Variants in PRAM1 observed in about 807,000 individuals in gnomAD.
PRAM1 encodes the protein PML-RARA regulated adaptor molecule 1, also known as PML-RARA-regulated adapter molecule 1.
A neutral mutation model predicts 55.3 loss-of-function variants in PRAM1; 41 were observed. That is an observed-to-expected ratio of 0.74 (90% CI 0.58 to 0.96). The LOEUF is 0.96. Ranked by LOEUF, PRAM1 falls within the 40% of genes least tolerant of loss-of-function variation. The pLI is 0.00. For missense variants in PRAM1, 898 were observed against 892.7 expected, an observed-to-expected ratio of 1.01 and a Z score of -0.08; for synonymous variants, 401 against 387.1, an observed-to-expected ratio of 1.04 and a Z score of -0.42.
In PRAM1 at chr19:8,490,428, G is replaced by T; in HGVS notation, c.1940+48C>A. ...CACCGTGGCCCATTCCCCCCACCCT[G>T]CACCACACACCCCGCACTCCCCCAC... is the stretch of plus-strand genomic sequence containing the variant. On this transcript the variant is annotated intron_variant, in intron 8 of 9. Coordinates refer to ENST00000423345, the MANE Select transcript of PRAM1 (RefSeq NM_032152.5). The surrounding 1 kb of genome is among the most constrained non-coding windows in gnomAD (Gnocchi z 7.3). The T allele has an allele frequency of 6.2e-7, 1 of 1,613,588 alleles. No homozygotes were observed. Among genetic ancestry groups the T allele is most frequent in the Non-Finnish European group, 8.5e-7 (1 of 1,179,768 alleles).
chr19:8,502,610 G>C lies in PRAM1; in HGVS notation c.-19C>G. On this transcript the variant is annotated 5_prime_UTR_variant, in exon 1 of 10. Coordinates refer to ENST00000423345, the MANE Select transcript of PRAM1 (RefSeq NM_032152.5). ...GGGCCATGGGATGAGTGGGACCCGA[G>C]CTGGGGCCGCTGCCTTCAGGAAGTG... 6.5e-7 allele frequency: 1 copy of C among 1,549,500 alleles called. No individual in the cohort carries two copies. Among genetic ancestry groups the C allele is most frequent in the Non-Finnish European group, 8.7e-7 (1 of 1,148,024 alleles).
At chr19:8,496,761 G>C (rs1276383205) in intron 4 of PRAM1, among the ~76,000 whole-genome samples, 1 of 152,052 alleles carries the variant, frequency 6.6e-6, no homozygotes, top group African/African-American at 2.4e-5. Context: ...ATAAGGGTCA[G>C]GCGTGGTGGC....
intron 4 of PRAM1, among the ~76,000 whole-genome samples, chr19:8,495,700 A>G (rs1029925373): frequency 7.0e-5 from 10 of 143,618 alleles, no homozygotes; most frequent in African/African-American, 2.6e-4. Context: ...TACGGATTTA[A>G]GGACGGATTT....
At position 8,490,708 on chromosome 19, in the gene PRAM1, C is replaced by T. The variant is rs760422876; in HGVS notation, c.1792G>A (p.Ala598Thr). ...TTGCCACCCCCGCGACGTGTCTTAG[C>T]GTTGGGGTCGATCATCATCTTCGTG... ...VHTKMMIDPN[A>T]KTRRGGGKHL... Residue 598 changes from alanine to threonine, a missense_variant, in exon 7 of 10, where the codon GCT becomes ACT. Around this residue, in one of 4 missense-constraint regions of PRAM1, gnomAD observed 787 missense variants for 735.4 expected, o/e 1.07. Transcript: ENST00000423345. This position sits in a 1 kb window ranked among gnomAD's most constrained non-coding sequence, Gnocchi z 7.3. The T allele has an allele frequency of 1.3e-5, 21 of 1,610,722 alleles. No homozygotes were observed. Among genetic ancestry groups the T allele is most frequent in the Middle Eastern group, 1.6e-4 (1 of 6,080 alleles).
chr19:8,499,726 C>G lies in PRAM1; in HGVS notation c.82G>C (p.Glu28Gln), dbSNP rs1421385286. The change falls in exon 2 of 10, where the codon GAG (glutamate) becomes CAG (glutamine). Residue 28 changes from glutamate to glutamine, a missense_variant. This residue lies in a region of PRAM1 where 79 missense variants were observed against 93.4 expected (regional missense o/e 0.85). Coordinates refer to ENST00000423345, the MANE Select transcript of PRAM1 (RefSeq NM_032152.5). ...GGTTTTTTGGGCAGGTCGCTGGGCT[C>G]CGGCTGAGAGGCCTGGAACTTTGCT... is the stretch of plus-strand genomic sequence containing the variant. ...IKAKFQASQP[E>Q]PSDLPKKPPK... The G allele has an allele frequency of 6.2e-7, 1 of 1,613,608 alleles. No homozygotes were observed. The highest frequency in any genetic ancestry group is 2.2e-5 in the East Asian group (1 of 44,874).
rs1339615800 is a variant in PRAM1, at chr19:8,493,452, C to T, written c.1577-2295G>A. Among the ~76,000 whole-genome samples, 1 of 152,220 alleles carries T rather than the reference C, an allele frequency of 6.6e-6. No homozygotes were observed. The highest frequency in any genetic ancestry group is 1.5e-5 in the Non-Finnish European group (1 of 68,038). ...CAGGAGCGAACCTGACCTTGGCACTCCAGGGTCCCTGCAAACCCGCCACAT... is the reference window on the plus strand; with the variant it reads ...CAGGAGCGAACCTGACCTTGGCACTTCAGGGTCCCTGCAAACCCGCCACAT... On this transcript the variant is annotated intron_variant, in intron 4 of 9. Transcript: ENST00000423345. The surrounding 1 kb of genome is among the most constrained non-coding windows in gnomAD (Gnocchi z 4.1).
chr19:8,499,242 G>A lies in PRAM1; in HGVS notation c.566C>T (p.Pro189Leu), dbSNP rs1167806941. The A allele has an allele frequency of 6.2e-7, 1 of 1,612,222 alleles. No individual in the cohort carries two copies. The highest frequency in any genetic ancestry group is 8.5e-7 in the Non-Finnish European group (1 of 1,178,932). Reference protein sequence around the residue: ...PPSEPKSGAFPRKLWQPEAGE... With the variant: ...PPSEPKSGAFLRKLWQPEAGE... ...GGCCTCGGGTTGCCAGAGCTTCCTG[G>A]GGAATGCGCCGGATTTGGGTTCGGA... Residue 189 changes from proline to leucine, a missense_variant, in exon 2 of 10, where the codon CCC (proline) becomes CTC (leucine). By Grantham distance (98) the Pro-to-Leu change is moderately conservative. Transcript: ENST00000423345.
intron 4 of PRAM1, among the ~76,000 whole-genome samples, chr19:8,496,365 G>A (rs774104874): frequency 1.3e-5 from 2 of 152,012 alleles, no homozygotes; most frequent in Non-Finnish European, 2.9e-5. Context: ...AGTGAGCTGA[G>A]ATGGCACCAC....
rs1422900039 is a variant in PRAM1, at chr19:8,502,577, C to T, written c.15G>A (p.Leu5=). The T allele has an allele frequency of 5.9e-5, 92 of 1,550,324 alleles. No homozygotes were observed. The highest frequency in any genetic ancestry group is 7.2e-5 in the Non-Finnish European group (83 of 1,148,362). The change falls in exon 1 of 10, where the codon CTG becomes CTA. Residue 5 remains leucine (L), a synonymous_variant. Coordinates refer to ENST00000423345, the MANE Select transcript of PRAM1 (RefSeq NM_032152.5). MAHH[L]PAAMESHQDF... Reference sequence around the variant, plus strand: ...TTCCAGCACTCACCATGGCTGCAGGCAGGTGATGGGCCATGGGATGAGTGG... The same window carrying T: ...TTCCAGCACTCACCATGGCTGCAGGTAGGTGATGGGCCATGGGATGAGTGG...
At chr19:8,491,414 A>C in intron 4 of PRAM1, 1 of 565,334 alleles carries the variant, frequency 1.8e-6, no homozygotes, top group Admixed American at 3.0e-5. Flanking sequence ...TTGTATTTTT[A>C]ACACAGACAG....
intron 2 of PRAM1, 41 bp downstream of exon 2, chr19:8,498,335 C>T (rs755335190): frequency 3.3e-5 from 52 of 1,594,892 alleles, no homozygotes; most frequent in Non-Finnish European, 4.3e-5. Flanking sequence ...TGCCTGGGAC[C>T]TCAGCCCCCG....
At position 8,493,371 on chromosome 19, in the gene PRAM1, C is replaced by T. The variant is rs1971655664; in HGVS notation, c.1577-2214G>A. Among the ~76,000 whole-genome samples the T allele has an allele frequency of 6.6e-6, 1 of 152,236 alleles. No individual in the cohort carries two copies. Among genetic ancestry groups the T allele is most frequent in the Non-Finnish European group, 1.5e-5 (1 of 68,042 alleles). On this transcript the variant is annotated intron_variant, in intron 4 of 9. Transcript: ENST00000423345. The surrounding 1 kb of genome is among the most constrained non-coding windows in gnomAD (Gnocchi z 4.1). ...CACAGTCTCACCTGGAACACACAGCCCCTCCAGCTGCTCCTGCCTCTCAGA... is the reference window on the plus strand; with the variant it reads ...CACAGTCTCACCTGGAACACACAGCTCCTCCAGCTGCTCCTGCCTCTCAGA...
intron 4 of PRAM1, chr19:8,491,359 G>T: frequency 1.6e-6 from 1 of 617,502 alleles, no homozygotes; most frequent in African/African-American, 1.8e-5. Context: ...TCAGGCTCCC[G>T]AGTAGCTGGG....
In PRAM1 at chr19:8,498,392, G is replaced by A. The variant is rs1425832474; in HGVS notation, c.1416C>T (p.Pro472=). The A allele has an allele frequency of 2.5e-6, 4 of 1,580,050 alleles. No individual in the cohort carries two copies. Among genetic ancestry groups the A allele is most frequent in the Non-Finnish European group, 2.6e-6 (3 of 1,161,936 alleles). The change falls in exon 2 of 10, where the codon CCC becomes CCT. Residue 472 remains proline, a synonymous_variant. Coordinates refer to ENST00000423345, the MANE Select transcript of PRAM1 (RefSeq NM_032152.5). ...GPVDMQSFRR[P]SAASIDLRRT... ...CTCACCCACCTATGGATGCTGCAGAGGGTCTCCGAAAGCTCTGCATATCCA... is the reference window on the plus strand; with the variant it reads ...CTCACCCACCTATGGATGCTGCAGAAGGTCTCCGAAAGCTCTGCATATCCA...
In PRAM1 at chr19:8,499,270, G is replaced by T. The variant is rs528107208; in HGVS notation, c.538C>A (p.Pro180Thr). Residue 180 changes from proline (P) to threonine (T), a missense_variant, in exon 2 of 10, where the codon CCC (proline) becomes ACC (threonine). Pro to Thr is a conservative substitution (Grantham distance 38, BLOSUM62 -1). Around this residue, in one of 4 missense-constraint regions of PRAM1, gnomAD observed 787 missense variants for 735.4 expected, o/e 1.07. Coordinates refer to ENST00000423345, the MANE Select transcript of PRAM1 (RefSeq NM_032152.5). ...PDELSHPARP[P>T]SEPKSGAFPR... Reference sequence around the variant, plus strand: ...AATGCGCCGGATTTGGGTTCGGAGGGGGGTCTGGCGGGGTGACTGAGTTCG... The same window carrying T: ...AATGCGCCGGATTTGGGTTCGGAGGTGGGTCTGGCGGGGTGACTGAGTTCG... The T allele has an allele frequency of 1.2e-6, 2 of 1,609,398 alleles. No individual in the cohort carries two copies. The highest frequency in any genetic ancestry group is 1.7e-6 in the Non-Finnish European group (2 of 1,177,456).
intron 4 of PRAM1, among the ~76,000 whole-genome samples, chr19:8,495,214 C>T (rs1259941809): frequency 6.6e-6 from 1 of 152,134 alleles, no homozygotes; most frequent in Non-Finnish European, 1.5e-5. Flanking sequence ...ATTCTCCTGC[C>T]TCAGCTTCTC....
Position 8,491,098 on chromosome 19 carries a change from A to T in PRAM1, c.1634+2T>A. On this transcript the variant is annotated splice_donor_variant, in intron 5 of 9. Transcript: ENST00000423345. LOFTEE classifies it high-confidence loss of function. The stretch of plus-strand genomic sequence containing the variant: ...TCTGCCCACCCCCTCTGCCCATGGC[A>T]CCTGAGCGCTGGGTCTTGTGGTGGC... The T allele has an allele frequency of 6.2e-7, 1 of 1,612,180 alleles. No individual in the cohort carries two copies. The highest frequency in any genetic ancestry group is 1.1e-5 in the South Asian group (1 of 91,080).
chr19:8,497,950 G>A (rs538198648), intron 3 of PRAM1, 110 bp from the exon 4 acceptor site: 8 of 824,072 alleles, frequency 9.7e-6, no homozygotes, highest in Middle Eastern at 3.8e-4. Flanking sequence ...GCATGATCTC[G>A]GGCTCACTGC....
rs369568352 is a variant in PRAM1 at position 8,490,366 on chromosome 19, C to T, written c.1947G>A (p.Thr649=). Residue 649 remains threonine (T), a synonymous_variant, in exon 9 of 10, where the codon ACG becomes ACA. Transcript: ENST00000423345. The surrounding 1 kb of genome is among the most constrained non-coding windows in gnomAD (Gnocchi z 7.3). ...AGAAGTCGACATCATCGTACACCTC[C>T]GTCTCCCTGGCAGAGCACAGTTGGG... ...VPRTALLPLE[T]EVYDDVDFCD... is the part of the protein sequence containing the mutation. 8.7e-5 allele frequency: 140 copies of T among 1,613,984 alleles called. No homozygotes were observed. The highest frequency in any genetic ancestry group is 1.5e-4 in the African/African-American group (11 of 75,042).
Sources: gnomAD v4.1 joint callset for allele counts (sites outside exome capture counted in the v4.1 genomes callset) on GRCh38, gnomAD v4.1.1 for gene constraint, gnomAD v4.1.1 regional missense constraint, Gnocchi (gnomAD v3.1) non-coding constraint, MANE v1.5 for transcripts, NCBI Gene and HGNC (gene_info 2026-07-23, HGNC 2026-07-21) for gene names.